PFKFB3: variants seen among roughly 807,000 people sequenced by gnomAD.
The protein encoded by PFKFB3 is 6-phosphofructo-2-kinase/fructose-2,6-bisphosphatase 3.
A neutral mutation model predicts 68.0 loss-of-function variants in PFKFB3; 33 were observed. The observed-to-expected ratio is 0.49, with a 90% CI of 0.37 to 0.65. The LOEUF (loss-of-function observed/expected upper bound fraction) is 0.65, where lower values mean the gene tolerates loss of function less well. Among genes scored for constraint, PFKFB3 ranks in the 30% least tolerant of loss-of-function variants. PFKFB3 has a pLI of 0.00. For missense variants in PFKFB3, 586 were observed against 712.2 expected, an observed-to-expected ratio of 0.82 and a Z score of 2.02; for synonymous variants, 315 against 288.2, an observed-to-expected ratio of 1.09 and a Z score of -0.94.
chr10:6,151,129 C>T (rs1346449718), intron 1 of PFKFB3, among the ~76,000 whole-genome samples: 2 of 152,076 alleles, frequency 1.3e-5, no homozygotes, highest in Non-Finnish European at 1.5e-5. Flanking sequence ...GGAGGGAGCC[C>T]CAGTCTGTGG....
At chr10:6,222,709 G>T in intron 10 of PFKFB3, 146 bp from the exon 11 acceptor site, 2 of 855,784 alleles carry the variant, frequency 2.3e-6, no homozygotes, top group South Asian at 3.7e-5. Context: ...AATAGTCCAC[G>T]TTAAACCCTG....
chr10:6,237,117 C>G (rs1251926711), downstream of PFKFB3, among the ~76,000 whole-genome samples: 1 of 152,256 alleles, frequency 6.6e-6, no homozygotes, highest in Non-Finnish European at 1.5e-5. Context: ...GAGGTCTCCC[C>G]AGCTATCCGG....
chr10:6,274,272 C>T, the PFKFB3 span, among the ~76,000 whole-genome samples: 2 of 152,098 alleles, frequency 1.3e-5, no homozygotes, highest in Non-Finnish European at 2.9e-5. Context: ...ACATCCTCAG[C>T]ACACTAATAC....
chr10:6,151,471 T>A (rs192083619), intron 1 of PFKFB3, among the ~76,000 whole-genome samples: 1 of 152,326 alleles, frequency 6.6e-6, no homozygotes, highest in Non-Finnish European at 1.5e-5. Context: ...TCCCAGAGGC[T>A]GTGGCCCCTT....
the PFKFB3 span, among the ~76,000 whole-genome samples, chr10:6,300,198 T>C: frequency 1.8e-4 from 28 of 151,940 alleles, no homozygotes; most frequent in African/African-American, 5.8e-4. Flanking sequence ...GTTCCTCATA[T>C]TCCTCTCACA....
At chr10:6,280,598 G>A in the PFKFB3 span, among the ~76,000 whole-genome samples, 1 of 152,164 alleles carries the variant, frequency 6.6e-6, no homozygotes, top group Admixed American at 6.5e-5. Flanking sequence ...TTTTAGCCCA[G>A]TCTAGAAAAA....
At chr10:6,209,699 AG>A (rs1265752210) in intron 1 of PFKFB3, among the ~76,000 whole-genome samples, 1 of 150,842 alleles carries the variant, frequency 6.6e-6, no homozygotes, top group African/African-American at 2.4e-5. Flanking sequence ...TCCTGACCTC[AG>A]GTGGTCTGCC....
chr10:6,229,374 G>A lies in PFKFB3; in HGVS notation c.1515+3009G>A, dbSNP rs553601776. On this transcript the variant is annotated intron_variant, in intron 14 of 14. Transcript: ENST00000379775. This position sits in a 1 kb window ranked among gnomAD's most constrained non-coding sequence, Gnocchi z 4.3. ...GAGCCGCAGAGCCGGGGCCTGAAAG[G>A]CCCCTTGCTTCAGAAAGCCGGCCGC... Among the ~76,000 whole-genome samples the A allele has an allele frequency of 9.8e-5, 15 of 152,334 alleles. No homozygotes were observed. Among genetic ancestry groups the A allele is most frequent in the Non-Finnish European group, 1.6e-4 (11 of 68,028 alleles).
chr10:6,238,150 A>C (rs1588560018), downstream of PFKFB3, among the ~76,000 whole-genome samples: 1 of 151,866 alleles, frequency 6.6e-6, no homozygotes, highest in East Asian at 1.9e-4. Context: ...ATGTCTTTGG[A>C]GAAATTTTTA....
chr10:6,245,970 T>G (rs1412647828), intron 14 of PFKFB3: 6 of 152,248 alleles, frequency 3.9e-5, no homozygotes, highest in Non-Finnish European at 7.3e-5. Context: ...TACGGCTAAC[T>G]GATAAGAAGA....
intron 1 of PFKFB3, chr10:6,146,245 G>T: frequency 9.0e-6 from 13 of 1,451,010 alleles, no homozygotes; most frequent in Non-Finnish European, 1.1e-5. Context: ...CAGAGGCACG[G>T]CCAGCGTGAT....
At chr10:6,259,330 A>G (rs540383381), downstream of PFKFB3, among the ~76,000 whole-genome samples, 39 of 148,338 alleles carry the variant, frequency 2.6e-4, no homozygotes, top group African/African-American at 7.8e-4. Flanking sequence ...CCATCCATCC[A>G]TCTACATCCA....
At chr10:6,272,053 G>A in the PFKFB3 span, among the ~76,000 whole-genome samples, 1 of 152,196 alleles carries the variant, frequency 6.6e-6, no homozygotes, top group Non-Finnish European at 1.5e-5. Context: ...CTGCCCCGAT[G>A]GTGGCTGCCA....
At chr10:6,238,477 C>CAAAAAAAAAAAAAA (rs71390201), downstream of PFKFB3, among the ~76,000 whole-genome samples, 1 of 89,556 alleles carries the variant, frequency 1.1e-5, no homozygotes, top group Non-Finnish European at 2.0e-5. Context: ...GGTGCCATCT[C>CAAAAAAAAAAAAAA]AAAAAAAAAA....
chr10:6,252,126 C>T (rs183783539), intron 14 of PFKFB3, among the ~76,000 whole-genome samples: 12 of 152,322 alleles, frequency 7.9e-5, no homozygotes, highest in East Asian at 3.9e-4. Flanking sequence ...ACTGTTCCTA[C>T]GGAGTGGCTA....
rs186791959 is a variant in PFKFB3 at position 6,161,262 on chromosome 10, C to T, written c.16+16249C>T. ...CATTTGGCCTCTTCTTTCTGTTGCT[C>T]AAACACTCAAGACTTACGACTCAGG... On this transcript the variant is annotated intron_variant, in intron 1 of 14. Transcript: ENST00000379789. 1.3e-3 allele frequency among the ~76,000 whole-genome samples: 198 copies of T among 152,192 alleles called. 1 individual carries two copies. Among genetic ancestry groups the T allele is most frequent in the Non-Finnish European group, 2.1e-3 (146 of 68,016 alleles).
At position 6,245,754 on chromosome 10, in the gene PFKFB3, T is replaced by C. The variant is rs550385538; in HGVS notation, c.1516-8424T>C. On this transcript the variant is annotated intron_variant, in intron 14 of 14. Coordinates refer to the PFKFB3 transcript ENST00000640683. ...TTTGAAGGCTAGTCAAGTGAAGCAA[T>C]GGGAGTGGAGAGGAACAAAGTAATC... is the stretch of plus-strand genomic sequence containing the variant. The C allele has an allele frequency of 5.3e-5, 8 of 152,314 alleles. No homozygotes were observed. The East Asian group carries it at 1.4e-3, about 26-fold the overall frequency. The allele number at this position is 152,314 out of a possible 1,614,324, so 9.4% of individuals were successfully genotyped here.
At position 6,222,903 on chromosome 10, in the gene PFKFB3, G is replaced by A; in HGVS notation, c.1132G>A (p.Glu378Lys). ...CTTGGAGCCAGTGATCATGGAGCTG[G>A]AGCGGCAGGAGAATGTGCTGGTCAT... ...QRLEPVIMEL[E>K]RQENVLVICH... The change falls in exon 11 of 15, where the codon GAG (glutamate) becomes AAG (lysine). Residue 378 changes from glutamate (E) to lysine (K), a missense_variant. Transcript: ENST00000379775. 6.2e-7 allele frequency: 1 copy of A among 1,613,982 alleles called. No homozygotes were observed. The highest frequency in any genetic ancestry group is 8.5e-7 in the Non-Finnish European group (1 of 1,179,936).
At chr10:6,231,388 C>A in intron 14 of PFKFB3, 2 of 1,603,372 alleles carry the variant, frequency 1.2e-6, no homozygotes, top group Non-Finnish European at 1.7e-6. Context: ...GACTGGCCAT[C>A]GTGCAATGCG....
Sources: allele counts gnomAD v4.1 joint callset (sites outside exome capture counted in the v4.1 genomes callset), GRCh38; gene constraint gnomAD v4.1.1; non-coding constraint Gnocchi (gnomAD v3.1); transcripts MANE v1.5; gene names NCBI Gene and HGNC (gene_info 2026-07-23, HGNC 2026-07-21).